Variants in ATP11A observed in about 807,000 individuals in gnomAD.
The protein encoded by ATP11A is ATPase phospholipid transporting 11A.
ATP11A carries 81 observed loss-of-function variants against 154.4 expected under a neutral mutation model. The ratio of observed to expected loss-of-function variants is 0.52; its 90% confidence interval spans 0.44 to 0.63. ATP11A has a LOEUF of 0.63. Ranked by LOEUF, ATP11A falls within the 30% of genes least tolerant of loss-of-function variation. ATP11A has a pLI of 0.00. For missense variants in ATP11A, 1,316 were observed against 1,474.3 expected (o/e 0.89, Z 1.76); for synonymous variants, 623 against 585.9 (o/e 1.06, Z -0.91).
intron 17 of ATP11A, among the ~76,000 whole-genome samples, chr13:112,843,754 T>TG (rs1347829128): frequency 6.6e-6 from 1 of 152,222 alleles, no homozygotes; most frequent in Non-Finnish European, 1.5e-5. Flanking sequence ...AGGAGCCCTT[T>TG]CGCTCGCGAG....
chr13:112,827,780 C>T (rs1367078335), intron 12 of ATP11A, among the ~76,000 whole-genome samples: 1 of 152,234 alleles, frequency 6.6e-6, no homozygotes, highest in East Asian at 1.9e-4. Flanking sequence ...TAGACTCTGG[C>T]AGATACAGAG....
intron 1 of ATP11A, among the ~76,000 whole-genome samples, chr13:112,783,412 C>G (rs548158151): frequency 1.1e-3 from 163 of 152,210 alleles, no homozygotes; most frequent in Non-Finnish European, 2.0e-3. Context: ...GTTCTGTTCC[C>G]GTTGCCTCAT....
At chr13:112,834,948 T>G (rs754853703) in intron 15 of ATP11A, among the ~76,000 whole-genome samples, 3 of 152,216 alleles carry the variant, frequency 2.0e-5, no homozygotes, top group Admixed American at 1.3e-4. Context: ...ATGTTTTGGG[T>G]TAAGCCACCT....
intron 1 of ATP11A, among the ~76,000 whole-genome samples, chr13:112,732,899 C>T (rs1240487997): frequency 6.6e-6 from 1 of 152,194 alleles, no homozygotes; most frequent in Non-Finnish European, 1.5e-5. Flanking sequence ...AGGTGTGAGT[C>T]ACTGCACCTG....
chr13:112,747,154 G>T (rs1293083541), intron 1 of ATP11A: 2 of 152,198 alleles, frequency 1.3e-5, no homozygotes, highest in African/African-American at 4.8e-5. Context: ...TTGTTGAGAT[G>T]AGATGAACGC....
At chr13:112,775,983 C>T (rs940142884) in intron 1 of ATP11A, among the ~76,000 whole-genome samples, 1 of 152,258 alleles carries the variant, frequency 6.6e-6, no homozygotes, top group Non-Finnish European at 1.5e-5. Context: ...CGCCGTCAGG[C>T]CCACAGCTGC....
chr13:112,851,961 A>G (rs2079779819), intron 18 of ATP11A: 1 of 152,256 alleles, frequency 6.6e-6, no homozygotes, highest in African/African-American at 2.4e-5. Flanking sequence ...TTAATGAAGT[A>G]GAAAATTACA....
rs568569506 is a variant in ATP11A, at chr13:112,883,170, C to T, written c.*1304C>T. 293 of 398,560 alleles carry T rather than the reference C, an allele frequency of 7.4e-4. 2 individuals carry two copies. The highest frequency in any genetic ancestry group is 5.5e-3 in the South Asian group (43 of 7,852). The allele number at this position is 398,560 out of a possible 1,614,324, so 24.7% of individuals were successfully genotyped here. On this transcript the variant is annotated 3_prime_UTR_variant, in exon 30 of 30. Coordinates refer to ENST00000375645, the MANE Select transcript of ATP11A (RefSeq NM_015205.3). ...CCCTTGTCCCGTCCCCACATACCCT[C>T]GTCCCCATGTCCCCACGCAGGGCTC...
At chr13:112,787,765 A>ACTTAATTCACACCGGTGTC (rs2077689924) in intron 2 of ATP11A, among the ~76,000 whole-genome samples, 3 of 149,560 alleles carry the variant, frequency 2.0e-5, no homozygotes, top group Non-Finnish European at 4.4e-5. Flanking sequence ...GTGGAGACCT[A>ACTTAATTCACACCGGTGTC]CTTAATTCAC....
chr13:112,823,153 A>G (rs949161702), intron 8 of ATP11A, among the ~76,000 whole-genome samples, 192 bp from the exon 9 acceptor site: 20 of 152,204 alleles, frequency 1.3e-4, no homozygotes, highest in African/African-American at 4.3e-4. Flanking sequence ...TCCCCCAAAG[A>G]TAAGCCCACA....
chr13:112,834,604 C>T lies in ATP11A; in HGVS notation c.1575C>T (p.Tyr525=). 2 of 1,613,852 alleles carry T rather than the reference C, an allele frequency of 1.2e-6. No individual in the cohort carries two copies. Among genetic ancestry groups the T allele is most frequent in the Non-Finnish European group, 1.7e-6 (2 of 1,179,768 alleles). The change falls in exon 15 of 30, where the codon TAC becomes TAT. Residue 525 remains tyrosine (Y), a synonymous_variant. Transcript: ENST00000375645. The stretch of plus-strand genomic sequence containing the variant: ...CTCATTGCAGACTTGGCTTTACCTA[C>T]CTAAGGCTGAAGGACAATTACATGG... ...VEGVQRLGFT[Y]LRLKDNYMEI...
chr13:112,721,973 TG>T (rs1889248878), intron 1 of ATP11A, among the ~76,000 whole-genome samples: 1 of 152,178 alleles, frequency 6.6e-6, no homozygotes, highest in South Asian at 2.1e-4. Context: ...TGGGAGCTGC[TG>T]GGTCATTTTA....
At chr13:112,711,839 C>CG (rs1193687568) in intron 1 of ATP11A, among the ~76,000 whole-genome samples, 3 of 152,224 alleles carry the variant, frequency 2.0e-5, no homozygotes, top group Non-Finnish European at 4.4e-5. Flanking sequence ...CAAGGCTCCA[C>CG]GCCCTCTCCC....
Position 112,859,564 on chromosome 13 carries a change from A to C in ATP11A, c.2727+112A>C. 1 of 900,980 alleles carries C rather than the reference A, an allele frequency of 1.1e-6. No homozygotes were observed. Among genetic ancestry groups the C allele is most frequent in the Non-Finnish European group, 1.8e-6 (1 of 547,532 alleles). The allele number at this position is 900,980 out of a possible 1,614,324, so 55.8% of individuals were successfully genotyped here. The stretch of plus-strand genomic sequence containing the variant: ...GGAATGAGCAGCACTCCCCGGCACC[A>C]CGAGGGAGCCAGGGTGCCCAGCAGC... On this transcript the variant is annotated intron_variant, in intron 23 of 29. Transcript: ENST00000375645. The surrounding 1 kb of genome is among the most constrained non-coding windows in gnomAD (Gnocchi z 4.3).
Position 112,859,337 on chromosome 13 carries a change from G to A in ATP11A, c.2668-56G>A, listed in dbSNP as rs2080031907. 1 of 1,503,408 alleles carries A rather than the reference G, an allele frequency of 6.7e-7. No individual in the cohort carries two copies. The highest frequency in any genetic ancestry group is 1.4e-5 in the African/African-American group (1 of 72,528). 93.1% of individuals were successfully genotyped at this position (1,503,408 alleles called of 1,614,324 possible). A position where few individuals can be genotyped will look rare whatever the true frequency, so the allele number is the denominator to read the frequency against. Reference sequence around the variant, plus strand: ...TGTGGGGTGGGCCACGTCGGTAGGTGGCGGCTGCCTCCCTCTGTCCCGTCA... The same window carrying A: ...TGTGGGGTGGGCCACGTCGGTAGGTAGCGGCTGCCTCCCTCTGTCCCGTCA... On this transcript the variant is annotated intron_variant, in intron 22 of 29. Transcript: ENST00000375645. The surrounding 1 kb of genome is among the most constrained non-coding windows in gnomAD (Gnocchi z 4.3).
At chr13:112,769,875 C>T (rs567877965) in intron 1 of ATP11A, among the ~76,000 whole-genome samples, 15 of 152,350 alleles carry the variant, frequency 9.8e-5, no homozygotes, top group South Asian at 2.1e-4. Context: ...CCATCCCACG[C>T]GGCTGTAAAT....
At chr13:112,802,301 G>A (rs941063293) in intron 2 of ATP11A, among the ~76,000 whole-genome samples, 9 of 151,918 alleles carry the variant, frequency 5.9e-5, no homozygotes, top group East Asian at 1.9e-4. Context: ...AGCCGAGATC[G>A]CGCCACTGCA....
chr13:112,842,238 A>G (rs1229752729), intron 16 of ATP11A, 38 bp from the exon 17 acceptor site: 2 of 1,442,066 alleles, frequency 1.4e-6, no homozygotes, highest in East Asian at 4.7e-5. Flanking sequence ...AGTCTTCCCC[A>G]TATTGTGATT....
At chr13:112,848,512 A>G (rs937433412) in intron 17 of ATP11A, among the ~76,000 whole-genome samples, 2 of 152,134 alleles carry the variant, frequency 1.3e-5, no homozygotes, top group African/African-American at 4.8e-5. Flanking sequence ...GGCCTTAGAA[A>G]GGCATCCTTT....
Sources: allele counts gnomAD v4.1 joint callset (sites outside exome capture counted in the v4.1 genomes callset), GRCh38; gene constraint gnomAD v4.1.1; non-coding constraint Gnocchi (gnomAD v3.1); transcripts MANE v1.5; gene names NCBI Gene and HGNC (gene_info 2026-07-23, HGNC 2026-07-21).